The following GLTP variants were observed in gnomAD, a reference collection of about 807,000 sequenced individuals.
The protein encoded by GLTP is glycolipid transfer protein.
In GLTP, 22 loss-of-function variants were observed where a neutral mutation model predicts 24.0. The observed-to-expected ratio is 0.92, with a 90% confidence interval of 0.65 to 1.31. The LOEUF is 1.31. Ranked by LOEUF, GLTP falls within the 50% of genes most tolerant of loss-of-function variation. The pLI is 0.00. For missense variants in GLTP, 224 were observed against 276.6 expected (o/e 0.81, Z 1.35); for synonymous variants, 92 against 115.9 (o/e 0.79, Z 1.33).
rs757699018 is a variant in GLTP, at chr12:109,880,223, C to T, written c.103+49G>A. On this transcript the variant is annotated intron_variant, in intron 1 of 4. Coordinates refer to ENST00000318348, the MANE Select transcript of GLTP (RefSeq NM_016433.4). The surrounding 1 kb of genome is among the most constrained non-coding windows in gnomAD (Gnocchi z 5.1). ...GGGGATGCTCGGGGGAAGGAGGATT[C>T]GGGTGCGCGTGGGGCTGCGGGCCGC... The T allele has an allele frequency of 2.7e-6, 3 of 1,107,992 alleles. No individual in the cohort carries two copies. Among genetic ancestry groups the T allele is most frequent in the East Asian group, 2.5e-5 (1 of 39,594 alleles). The allele number at this position is 1,107,992 out of a possible 1,614,324, so 68.6% of individuals were successfully genotyped here.
At chr12:109,854,152 A>G (rs1892763650) in intron 4 of GLTP, among the ~76,000 whole-genome samples, 1 of 151,930 alleles carries the variant, frequency 6.6e-6, no homozygotes, top group Non-Finnish European at 1.5e-5. Context: ...TGAGCTCAGG[A>G]GTTCGAGACC....
intron 4 of GLTP, among the ~76,000 whole-genome samples, chr12:109,853,639 G>C (rs1892756265): frequency 6.7e-6 from 1 of 148,674 alleles, no homozygotes; most frequent in South Asian, 2.1e-4. Context: ...AGTGAGCTGA[G>C]ATCACGCCAC....
intron 1 of GLTP, among the ~76,000 whole-genome samples, chr12:109,870,865 A>G (rs1269179569): frequency 6.6e-6 from 1 of 152,150 alleles, no homozygotes; most frequent in Non-Finnish European, 1.5e-5. Flanking sequence ...CCTAACTGCC[A>G]GGGTGGAAAG....
At chr12:109,865,397 C>T (rs1208519971) in intron 1 of GLTP, among the ~76,000 whole-genome samples, 1 of 152,028 alleles carries the variant, frequency 6.6e-6, no homozygotes, top group Admixed American at 6.6e-5. Context: ...GAGGCCGAGG[C>T]GGGCGGATCA....
At chr12:109,869,712 G>A (rs1328067081) in intron 1 of GLTP, among the ~76,000 whole-genome samples, 3 of 150,626 alleles carry the variant, frequency 2.0e-5, no homozygotes, top group South Asian at 2.1e-4. Flanking sequence ...CTTGTGATCC[G>A]CCTGCCTCGG....
chr12:109,862,610 C>T lies in GLTP; in HGVS notation c.104-3869G>A, dbSNP rs574052666. Among the ~76,000 whole-genome samples, 34 of 152,196 alleles carry T rather than the reference C, an allele frequency of 2.2e-4. No homozygotes were observed. The East Asian group carries it at 6.0e-3, about 27-fold the overall frequency. On this transcript the variant is annotated intron_variant, in intron 1 of 4. Transcript: ENST00000318348. Reference sequence around the variant, plus strand: ...TTCCCAAAATGTATAATGAGCTGGACGTGGTGGCATGTAACTGTAGTCCCA... The same window carrying T: ...TTCCCAAAATGTATAATGAGCTGGATGTGGTGGCATGTAACTGTAGTCCCA...
intron 1 of GLTP, among the ~76,000 whole-genome samples, chr12:109,867,235 G>A (rs1483651695): frequency 6.6e-6 from 1 of 151,476 alleles, no homozygotes; most frequent in Admixed American, 6.6e-5. Context: ...TGCAACCTCC[G>A]CCTCCCGAGC....
intron 1 of GLTP, among the ~76,000 whole-genome samples, chr12:109,879,482 C>T (rs1476346887): frequency 6.6e-6 from 1 of 152,160 alleles, no homozygotes; most frequent in African/African-American, 2.4e-5. Flanking sequence ...CCAGGAACTT[C>T]CACACGACAT....
chr12:109,856,319 G>A (rs552820293), intron 3 of GLTP, among the ~76,000 whole-genome samples: 1 of 152,188 alleles, frequency 6.6e-6, no homozygotes, highest in Non-Finnish European at 1.5e-5. Context: ...TTTTCCTCAA[G>A]GGGCAGGGTG....
chr12:109,877,309 C>A (rs1868919606), intron 1 of GLTP, among the ~76,000 whole-genome samples: 1 of 152,214 alleles, frequency 6.6e-6, no homozygotes, highest in Non-Finnish European at 1.5e-5. Context: ...ATAGTAAGGG[C>A]TCAGTGAGTG....
chr12:109,859,751 G>A (rs934281169), intron 1 of GLTP: 5 of 155,364 alleles, frequency 3.2e-5, no homozygotes, highest in Non-Finnish European at 5.9e-5. Flanking sequence ...GGAATTTGAT[G>A]CATCACCACT....
intron 1 of GLTP, among the ~76,000 whole-genome samples, chr12:109,865,418 G>A (rs1012510770): frequency 1.3e-5 from 2 of 151,960 alleles, no homozygotes; most frequent in African/African-American, 2.4e-5. Context: ...CCTGAGATCC[G>A]GAGTTCAAGA....
In GLTP at chr12:109,855,598, G is replaced by A; in HGVS notation, c.447+21C>T. 1 of 1,529,704 alleles carries A rather than the reference G, an allele frequency of 6.5e-7. No individual in the cohort carries two copies. The highest frequency in any genetic ancestry group is 8.8e-7 in the Non-Finnish European group (1 of 1,134,578). 94.8% of individuals were successfully genotyped at this position (1,529,704 alleles called of 1,614,324 possible). A position where few individuals can be genotyped will look rare whatever the true frequency, so the allele number is the denominator to read the frequency against. Reference sequence around the variant, plus strand: ...GAATCTGCAAGCTGGTGGTCCTTTGGGGCTCATGGGGGTGGCTCACCTGGA... The same window carrying A: ...GAATCTGCAAGCTGGTGGTCCTTTGAGGCTCATGGGGGTGGCTCACCTGGA... On this transcript the variant is annotated intron_variant, in intron 4 of 4. Transcript: ENST00000318348. The surrounding 1 kb of genome is among the most constrained non-coding windows in gnomAD (Gnocchi z 4.1).
At chr12:109,861,294 T>A (rs1483794126) in intron 1 of GLTP, among the ~76,000 whole-genome samples, 2 of 152,006 alleles carry the variant, frequency 1.3e-5, no homozygotes, top group African/African-American at 2.4e-5. Flanking sequence ...CATAGCCCAA[T>A]GGAAAGAAGG....
In GLTP at chr12:109,867,778, C is replaced by CT. The variant is rs11300324; in HGVS notation, c.104-9038dup. 1.2e-3 allele frequency among the ~76,000 whole-genome samples: 161 copies of CT among 131,684 alleles called. 1 individual carries two copies. Among genetic ancestry groups the CT allele is most frequent in the East Asian group, 2.7e-3 (13 of 4,784 alleles). The allele number at this position is 131,684 out of a possible 152,430, so 86.4% of individuals were successfully genotyped here. On this transcript the variant is annotated intron_variant, in intron 1 of 4. Transcript: ENST00000318348. Reference sequence around the variant, plus strand: ...AGCTCACTGCAGCTTTTTCTTTTCTCTTTTTTTTTTTTTTTTTGAGACGGA... The same window carrying CT: ...AGCTCACTGCAGCTTTTTCTTTTCTCTTTTTTTTTTTTTTTTTTGAGACGGA...
At chr12:109,865,534 A>G (rs954143795) in intron 1 of GLTP, among the ~76,000 whole-genome samples, 1 of 152,126 alleles carries the variant, frequency 6.6e-6, no homozygotes, top group Non-Finnish European at 1.5e-5. Flanking sequence ...AGGGTGAGGC[A>G]AGAGAATCAC....
chr12:109,854,702 C>T (rs552684203), intron 4 of GLTP, among the ~76,000 whole-genome samples: 1 of 152,266 alleles, frequency 6.6e-6, no homozygotes, highest in Admixed American at 6.5e-5. Flanking sequence ...TTACTACTGA[C>T]GTGGTGGTTT....
In GLTP at chr12:109,880,205, C is replaced by G. The variant is rs916666552; in HGVS notation, c.103+67G>C. 3.2e-6 allele frequency: 3 copies of G among 935,896 alleles called. No individual in the cohort carries two copies. The highest frequency in any genetic ancestry group is 5.0e-6 in the Non-Finnish European group (3 of 597,954). 58.0% of individuals were successfully genotyped at this position (935,896 alleles called of 1,614,324 possible). A position where few individuals can be genotyped will look rare whatever the true frequency, so the allele number is the denominator to read the frequency against. On this transcript the variant is annotated intron_variant, in intron 1 of 4. Transcript: ENST00000318348. The surrounding 1 kb of genome is among the most constrained non-coding windows in gnomAD (Gnocchi z 5.1). ...CTAGGGCAGAGATGGTTAGGGGATG[C>G]TCGGGGGAAGGAGGATTCGGGTGCG... is the stretch of plus-strand genomic sequence containing the variant.
chr12:109,869,480 G>A lies in GLTP; in HGVS notation c.104-10739C>T, dbSNP rs556471924. On this transcript the variant is annotated intron_variant, in intron 1 of 4. Transcript: ENST00000318348. The stretch of plus-strand genomic sequence containing the variant: ...TCTTTTTTTTTTTTTTTTTTGAGAC[G>A]GAGTCTCACTCTGTCGCCAGGCTGG... Among the ~76,000 whole-genome samples, 631 of 125,818 alleles carry A rather than the reference G, an allele frequency of 5.0e-3. 3 individuals carry two copies. Among genetic ancestry groups the A allele is most frequent in the South Asian group, 0.032 (123 of 3,800 alleles). 82.5% of individuals were successfully genotyped at this position (125,818 alleles called of 152,430 possible).
Sources: gnomAD v4.1 joint callset for allele counts (sites outside exome capture counted in the v4.1 genomes callset) on GRCh38, gnomAD v4.1.1 for gene constraint, Gnocchi (gnomAD v3.1) non-coding constraint, MANE v1.5 for transcripts, NCBI Gene and HGNC (gene_info 2026-07-23, HGNC 2026-07-21) for gene names.